ZNF362: variants seen among roughly 807,000 people sequenced by gnomAD.
The protein encoded by ZNF362 is zinc finger protein 362, also known as rotund homolog.
A neutral mutation model predicts 42.9 loss-of-function variants in ZNF362; 11 were observed. The ratio of observed to expected loss-of-function variants is 0.26; its 90% CI spans 0.16 to 0.42. The LOEUF (loss-of-function observed/expected upper bound fraction) is 0.42. Among genes scored for constraint, ZNF362 ranks in the 20% least tolerant of loss-of-function variants. ZNF362 has a pLI of 1.00. For synonymous variants in ZNF362, 255 were observed against 257.3 expected, an observed-to-expected ratio of 0.99 and a Z score of 0.09; for missense variants, 362 against 576.2, an observed-to-expected ratio of 0.63 and a Z score of 3.81.
At chr1:33,225,099 A>T in the ZNF362 span, among the ~76,000 whole-genome samples, 1 of 152,134 alleles carries the variant, frequency 6.6e-6, no homozygotes, top group Non-Finnish European at 1.5e-5. Flanking sequence ...TATTCCTTTT[A>T]CATCCCAGAC....
chr1:33,205,922 A>T, the ZNF362 span, among the ~76,000 whole-genome samples: 22 of 152,176 alleles, frequency 1.4e-4, no homozygotes, highest in Admixed American at 3.3e-4. Context: ...TCTCAAAAAA[A>T]AAATAAATAA....
the ZNF362 span, among the ~76,000 whole-genome samples, chr1:33,168,379 G>A: frequency 1.8e-5 from 2 of 108,970 alleles, no homozygotes; most frequent in African/African-American, 6.6e-5. Flanking sequence ...CTGGCTGTCT[G>A]AGAAAAACTT....
the ZNF362 span, among the ~76,000 whole-genome samples, chr1:33,204,131 T>C: frequency 1.3e-5 from 2 of 152,186 alleles, no homozygotes; most frequent in Non-Finnish European, 2.9e-5. Context: ...CCTTTGTCCA[T>C]TTTGAGTTGA....
chr1:33,226,801 G>A, the ZNF362 span, among the ~76,000 whole-genome samples: 1 of 152,160 alleles, frequency 6.6e-6, no homozygotes, highest in African/African-American at 2.4e-5. Flanking sequence ...GGAGGCAGAG[G>A]TTGCAGTGAG....
At chr1:33,295,500 G>C (rs1451004469) in intron 8 of ZNF362, among the ~76,000 whole-genome samples, 195 bp downstream of exon 8, 2 of 152,230 alleles carry the variant, frequency 1.3e-5, no homozygotes, top group African/African-American at 4.8e-5. Flanking sequence ...TCTGGTTTCA[G>C]CTACCCCTGA....
chr1:33,289,893 C>G (rs530482308), intron 6 of ZNF362, among the ~76,000 whole-genome samples: 1 of 152,080 alleles, frequency 6.6e-6, no homozygotes, highest in African/African-American at 2.4e-5. Flanking sequence ...CCGCAGGGAG[C>G]CTGACCTGGT....
chr1:33,130,872 T>C, the ZNF362 span, among the ~76,000 whole-genome samples: 1 of 152,066 alleles, frequency 6.6e-6, no homozygotes, highest in Non-Finnish European at 1.5e-5. Context: ...GAGCAGAAGA[T>C]GAATTTGAGA....
chr1:33,225,413 A>G, the ZNF362 span, among the ~76,000 whole-genome samples: 3 of 152,146 alleles, frequency 2.0e-5, no homozygotes, highest in African/African-American at 7.2e-5. Context: ...AAGCTGATTC[A>G]TGTAACTGAT....
the ZNF362 span, among the ~76,000 whole-genome samples, chr1:33,173,709 T>G: frequency 6.6e-6 from 1 of 151,760 alleles, no homozygotes; most frequent in African/African-American, 2.4e-5. Context: ...TTAAAAAAAA[T>G]TTTTTTAGAG....
the ZNF362 span, chr1:33,181,337 G>T: frequency 6.3e-7 from 1 of 1,581,654 alleles, no homozygotes; most frequent in Admixed American, 1.8e-5. The surrounding 1 kb of genome is among the most constrained non-coding windows in gnomAD (Gnocchi z 6.5). Flanking sequence ...TGATGCAGCG[G>T]CGGCAGAAGT....
rs1269605233 is a variant in ZNF362, at chr1:33,270,623, T to C, written c.38+11T>C. ...GAAAGGACACTCTAGGTAAGGAGCC[T>C]GTGATTCCAGGTTGCACTCTGTCAA... On this transcript the variant is annotated intron_variant, in intron 2 of 8. Coordinates refer to ENST00000539719, the MANE Select transcript of ZNF362 (RefSeq NM_152493.3). 1 of 1,612,490 alleles carries C rather than the reference T, an allele frequency of 6.2e-7. No individual in the cohort carries two copies. The highest frequency in any genetic ancestry group is 1.1e-5 in the South Asian group (1 of 90,876).
the ZNF362 span, among the ~76,000 whole-genome samples, chr1:33,240,749 C>A: frequency 4.0e-4 from 61 of 152,246 alleles, no homozygotes; most frequent in African/African-American, 1.5e-3. Context: ...ATAGTAGGCT[C>A]AAAACAAGCA....
the ZNF362 span, among the ~76,000 whole-genome samples, chr1:33,173,336 C>T: frequency 1.3e-5 from 2 of 152,216 alleles, no homozygotes; most frequent in Non-Finnish European, 2.9e-5. Context: ...CTTGCCTGCT[C>T]ACATTTGTTT....
At chr1:33,181,409 C>T in the ZNF362 span, 1 of 1,601,520 alleles carries the variant, frequency 6.2e-7, no homozygotes, top group Non-Finnish European at 8.5e-7. The surrounding 1 kb of genome is among the most constrained non-coding windows in gnomAD (Gnocchi z 6.5). Flanking sequence ...AGCACAGCAG[C>T]TCGTCCTTGA....
intron 6 of ZNF362, among the ~76,000 whole-genome samples, chr1:33,282,723 T>G (rs1283130905): frequency 1.3e-5 from 2 of 151,430 alleles, no homozygotes; most frequent in Non-Finnish European, 2.9e-5. Context: ...TTGGGAGGCT[T>G]AGGCAGGAGA....
chr1:33,260,600 G>A lies in ZNF362; in HGVS notation c.-89+3946G>A, dbSNP rs534024628. On this transcript the variant is annotated intron_variant, in intron 1 of 8. Transcript: ENST00000539719. The stretch of plus-strand genomic sequence containing the variant: ...AGTATCTGAAACCCTCTCATTATTC[G>A]CATTTCTTGCCTGTCTACACCATTA... 1.3e-3 allele frequency among the ~76,000 whole-genome samples: 199 copies of A among 152,176 alleles called. 1 individual carries two copies. The highest frequency in any genetic ancestry group is 1.7e-3 in the Non-Finnish European group (115 of 68,014).
chr1:33,273,612 T>G (rs1219897193), intron 2 of ZNF362, among the ~76,000 whole-genome samples: 1 of 152,184 alleles, frequency 6.6e-6, no homozygotes, highest in Non-Finnish European at 1.5e-5. Flanking sequence ...TCACCCCATT[T>G]TACAGAGGAG....
the ZNF362 span, among the ~76,000 whole-genome samples, chr1:33,246,469 G>A: frequency 2.0e-5 from 3 of 152,202 alleles, no homozygotes; most frequent in African/African-American, 4.8e-5. Flanking sequence ...TGTTCACTCA[G>A]GCCATGGAAA....
chr1:33,293,906 T>A (rs1418191832), intron 6 of ZNF362, among the ~76,000 whole-genome samples: 1 of 152,230 alleles, frequency 6.6e-6, no homozygotes, highest in Non-Finnish European at 1.5e-5. Flanking sequence ...CAGTGTCACC[T>A]TCCTCATGAG....
Sources: allele counts gnomAD v4.1 joint callset (sites outside exome capture counted in the v4.1 genomes callset), GRCh38; gene constraint gnomAD v4.1.1; non-coding constraint Gnocchi (gnomAD v3.1); transcripts MANE v1.5; gene names NCBI Gene and HGNC (gene_info 2026-07-23, HGNC 2026-07-21).